MGST1: variants seen among roughly 807,000 people sequenced by gnomAD.
MGST1 encodes the protein microsomal glutathione S-transferase 1, also known as glutathione S-transferase 12.
In MGST1, 5 loss-of-function variants were observed where a neutral mutation model predicts 8.9. The ratio of observed to expected loss-of-function variants is 0.56; its 90% confidence interval spans 0.29 to 1.19. The LOEUF (loss-of-function observed/expected upper bound fraction) is 1.19. Among genes scored for constraint, MGST1 ranks in the 50% most tolerant of loss-of-function variants. The pLI is 0.08. For synonymous variants in MGST1, 54 were observed against 67.8 expected (o/e 0.80, Z 1.00); for missense variants, 182 against 187.4 (o/e 0.97, Z 0.17).
chr12:16,477,936 G>T (rs1195466296), intron 4 of MGST1, among the ~76,000 whole-genome samples: 1 of 152,180 alleles, frequency 6.6e-6, no homozygotes, highest in Non-Finnish European at 1.5e-5. Context: ...GTGCAGCGTT[G>T]TAAATGTCAA....
intron 4 of MGST1, among the ~76,000 whole-genome samples, chr12:16,515,542 A>C (rs1399383591): frequency 1.3e-5 from 2 of 151,758 alleles, no homozygotes; most frequent in Non-Finnish European, 2.9e-5. Flanking sequence ...AGGCAGGAGA[A>C]TCGCTTGAAC....
downstream of MGST1, among the ~76,000 whole-genome samples, chr12:16,369,053 G>A (rs920608731): frequency 2.6e-5 from 4 of 152,064 alleles, no homozygotes; most frequent in Admixed American, 6.6e-5. This position sits in a 1 kb window ranked among gnomAD's most constrained non-coding sequence, Gnocchi z 4.8. Context: ...TAAGTCATTC[G>A]TATCTATACC....
At chr12:16,514,195 C>T (rs558641458) in intron 4 of MGST1, 63 of 311,758 alleles carry the variant, frequency 2.0e-4, no homozygotes, top group South Asian at 1.7e-3. Flanking sequence ...ACGCCATTGT[C>T]GCTGCCAATC....
Position 16,517,313 on chromosome 12 carries a change from T to A in MGST1, n.483-72215T>A, listed in dbSNP as rs1031989940. Among the ~76,000 whole-genome samples, 1 of 152,194 alleles carries A rather than the reference T, an allele frequency of 6.6e-6. No individual in the cohort carries two copies. Among genetic ancestry groups the A allele is most frequent in the Non-Finnish European group, 1.5e-5 (1 of 68,034 alleles). ...AAGAGGTGGAAGCTTTAAAAGGTGA[T>A]TAAGTCATAAGTTCTCTCCCCTTAT... On this transcript the variant is annotated intron_variant and non_coding_transcript_variant, in intron 4 of 4. Transcript: ENST00000538857. The surrounding 1 kb of genome is among the most constrained non-coding windows in gnomAD (Gnocchi z 4.2).
At chr12:16,406,200 C>A (rs973710493) in intron 1 of MGST1, among the ~76,000 whole-genome samples, 3 of 152,092 alleles carry the variant, frequency 2.0e-5, no homozygotes, top group Non-Finnish European at 2.9e-5. Context: ...TAAGCTAATA[C>A]AAAACCTCAG....
intron 4 of MGST1, among the ~76,000 whole-genome samples, chr12:16,520,819 A>G (rs777770105): frequency 1.7e-4 from 26 of 152,194 alleles, no homozygotes; most frequent in Non-Finnish European, 1.8e-4. Flanking sequence ...GAAATTTATC[A>G]TAATTAAACC....
Position 16,513,466 on chromosome 12 carries a change from C to T in MGST1, n.483-76062C>T. 2.3e-6 allele frequency: 1 copy of T among 433,264 alleles called. No individual in the cohort carries two copies. The highest frequency in any genetic ancestry group is 1.8e-5 in the South Asian group (1 of 57,018). The allele number at this position is 433,264 out of a possible 1,614,324, so 26.8% of individuals were successfully genotyped here. A position where few individuals can be genotyped will look rare whatever the true frequency, so the allele number is the denominator to read the frequency against. ...TCCACCCGGGCTCGCCTCTGATGCCCCTGCCAGAGCCAGCTCCTGGTGGAC... is the reference window on the plus strand; with the variant it reads ...TCCACCCGGGCTCGCCTCTGATGCCTCTGCCAGAGCCAGCTCCTGGTGGAC... On this transcript the variant is annotated intron_variant and non_coding_transcript_variant, in intron 4 of 4. Coordinates refer to the MGST1 transcript ENST00000538857. The surrounding 1 kb of genome is among the most constrained non-coding windows in gnomAD (Gnocchi z 4.2).
intron 4 of MGST1, among the ~76,000 whole-genome samples, chr12:16,518,957 T>A (rs928456188): frequency 2.0e-5 from 3 of 152,220 alleles, no homozygotes; most frequent in African/African-American, 7.2e-5. Flanking sequence ...ATCGGGTAGA[T>A]AAGTTGTGTA....
chr12:16,431,895 G>A (rs1565453455), intron 1 of MGST1, among the ~76,000 whole-genome samples: 3 of 151,862 alleles, frequency 2.0e-5, no homozygotes, highest in Admixed American at 1.3e-4. Flanking sequence ...CAATAAAACA[G>A]GTATACATGT....
chr12:16,435,390 C>T (rs1441370048), intron 1 of MGST1, among the ~76,000 whole-genome samples: 2 of 151,958 alleles, frequency 1.3e-5, no homozygotes, highest in East Asian at 1.9e-4. Context: ...TTCACGATTC[C>T]AGGAAAATAT....
intron 4 of MGST1, among the ~76,000 whole-genome samples, chr12:16,573,145 A>G (rs898952440): frequency 6.6e-5 from 10 of 152,122 alleles, no homozygotes; most frequent in African/African-American, 1.9e-4. Context: ...AGGAAAAAAC[A>G]TTAAATAAAT....
chr12:16,519,206 G>A (rs927447236), intron 4 of MGST1, among the ~76,000 whole-genome samples: 12 of 152,262 alleles, frequency 7.9e-5, no homozygotes, highest in Middle Eastern at 3.4e-3. Flanking sequence ...CAGAGCTGCC[G>A]TGAAGCATGT....
At chr12:16,407,574 G>C (rs1001836826) in intron 1 of MGST1, among the ~76,000 whole-genome samples, 1 of 152,118 alleles carries the variant, frequency 6.6e-6, no homozygotes, top group African/African-American at 2.4e-5. Context: ...CATATACCCA[G>C]AGGAATATAA....
At chr12:16,409,901 G>A (rs1940729157) in intron 1 of MGST1, among the ~76,000 whole-genome samples, 1 of 151,950 alleles carries the variant, frequency 6.6e-6, no homozygotes, top group South Asian at 2.1e-4. Flanking sequence ...AATAGCTTGA[G>A]GTATATTGAG....
intron 4 of MGST1, among the ~76,000 whole-genome samples, chr12:16,524,043 T>G (rs534569665): frequency 6.6e-6 from 1 of 152,138 alleles, no homozygotes; most frequent in African/African-American, 2.4e-5. Context: ...ACATTTGCTT[T>G]GTAAACATTT....
chr12:16,524,170 T>A (rs1256090591), intron 4 of MGST1, among the ~76,000 whole-genome samples: 2 of 152,042 alleles, frequency 1.3e-5, no homozygotes, highest in Admixed American at 1.3e-4. Flanking sequence ...GTCAGCATTT[T>A]AAAAAATGAG....
In MGST1 at chr12:16,560,511, A is replaced by G. The variant is rs756161447; in HGVS notation, n.483-29017A>G. 1 of 1,613,316 alleles carries G rather than the reference A, an allele frequency of 6.2e-7. No individual in the cohort carries two copies. Among genetic ancestry groups the G allele is most frequent in the Non-Finnish European group, 8.5e-7 (1 of 1,179,550 alleles). Reference sequence around the variant, plus strand: ...AGGCAGGGATGAGCTTACTACAGGCAGCGCAGTTTCCCGTTACACCAAAGA... The same window carrying G: ...AGGCAGGGATGAGCTTACTACAGGCGGCGCAGTTTCCCGTTACACCAAAGA... On this transcript the variant is annotated intron_variant and non_coding_transcript_variant, in intron 4 of 4. Transcript: ENST00000538857. This position sits in a 1 kb window ranked among gnomAD's most constrained non-coding sequence, Gnocchi z 5.0.
At chr12:16,445,718 AG>A (rs1941074991) in intron 4 of MGST1, among the ~76,000 whole-genome samples, 1 of 151,954 alleles carries the variant, frequency 6.6e-6, no homozygotes, top group South Asian at 2.1e-4. Flanking sequence ...GTCACGTGGC[AG>A]CTATAATCAG....
chr12:16,563,301 G>A (rs1006804872), intron 4 of MGST1, among the ~76,000 whole-genome samples: 5 of 152,056 alleles, frequency 3.3e-5, no homozygotes, highest in African/African-American at 9.7e-5. Flanking sequence ...AGCTACATTC[G>A]AGTTCTCTTT....
Sources: gnomAD v4.1 joint callset for allele counts (sites outside exome capture counted in the v4.1 genomes callset) on GRCh38, gnomAD v4.1.1 for gene constraint, Gnocchi (gnomAD v3.1) non-coding constraint, MANE v1.5 for transcripts, NCBI Gene and HGNC (gene_info 2026-07-23, HGNC 2026-07-21) for gene names.